TRIP12: variants seen among roughly 807,000 people sequenced by gnomAD.
TRIP12 encodes thyroid hormone receptor interactor 12.
A neutral mutation model predicts 244.2 loss-of-function variants in TRIP12; 25 were observed. The observed-to-expected ratio is 0.10, with a 90% CI of 0.07 to 0.14. The LOEUF (loss-of-function observed/expected upper bound fraction) is 0.14, where lower values mean the gene tolerates loss of function less well. Ranked by LOEUF, TRIP12 falls within the 10% of genes least tolerant of loss-of-function variation. The pLI is 1.00. For missense variants in TRIP12, 1,677 were observed against 2,486.4 expected, an observed-to-expected ratio of 0.67 and a Z score of 6.92; for synonymous variants, 905 against 873.1, an observed-to-expected ratio of 1.04 and a Z score of -0.64.
chr2:229,799,093 A>C, intron 22 of TRIP12, 44 bp from the exon 23 acceptor site: 3 of 1,602,782 alleles, frequency 1.9e-6, no homozygotes, highest in Non-Finnish European at 2.6e-6. Context: ...TTTTAGTTTA[A>C]GTGATGAAAA....
rs1264842155 is a variant in TRIP12 at position 229,805,721 on chromosome 2, T to A, written c.2650+9A>T. The A allele has an allele frequency of 3.2e-6, 5 of 1,566,196 alleles. No individual in the cohort carries two copies. In the South Asian group the frequency reaches 5.8e-5, roughly 18 times the overall value. ...AGTATAGTGCTATTTTAACTCAGAA[T>A]GTACTTACTAGTGTTACTATTGGCT... On this transcript the variant is annotated intron_variant, in intron 18 of 41. Transcript: ENST00000675903.
chr2:229,917,825 A>C (rs2075785916), intron 1 of TRIP12, among the ~76,000 whole-genome samples: 2 of 152,186 alleles, frequency 1.3e-5, no homozygotes, highest in Non-Finnish European at 2.9e-5. Flanking sequence ...AAAGTTGCCT[A>C]GAACTACTGA....
intron 4 of TRIP12, among the ~76,000 whole-genome samples, chr2:229,844,756 T>C (rs1463437820): frequency 6.6e-6 from 1 of 152,238 alleles, no homozygotes; most frequent in Non-Finnish European, 1.5e-5. Context: ...AAGTAATTAT[T>C]CCACTCAAAT....
In TRIP12 at chr2:229,859,008, A is replaced by T. The variant is rs1270953985; in HGVS notation, c.791T>A (p.Val264Glu). Residue 264 changes from valine (V) to glutamate (E), a missense_variant, in exon 4 of 42, where the codon GTG (valine) becomes GAG (glutamate). Physicochemically the swap from Val to Glu is moderately radical, Grantham distance 121. Coordinates refer to ENST00000675903, the MANE Select transcript of TRIP12 (RefSeq NM_001348323.3). Reference sequence around the variant, plus strand: ...CTTGTTCTGATCTTTTCCTTGTTTCACTCTGGCACCTGGTGGTACAGTGGA... The same window carrying T: ...CTTGTTCTGATCTTTTCCTTGTTTCTCTCTGGCACCTGGTGGTACAGTGGA... The part of the protein sequence containing the change: ...ASSTVPPGAR[V>E]KQGKDQNKAR... 6.2e-7 allele frequency: 1 copy of T among 1,613,864 alleles called. No individual in the cohort carries two copies. Among genetic ancestry groups the T allele is most frequent in the Non-Finnish European group, 8.5e-7 (1 of 1,180,016 alleles).
intron 6 of TRIP12, 193 bp from the exon 7 acceptor site, chr2:229,831,032 T>C (rs2053205002): frequency 2.9e-6 from 2 of 690,976 alleles, no homozygotes; most frequent in South Asian, 3.2e-5. Context: ...AGCTCAACTA[T>C]TTTAGTATTA....
intron 34 of TRIP12, 67 bp downstream of exon 34, chr2:229,785,690 A>C: frequency 7.0e-7 from 1 of 1,435,544 alleles, no homozygotes; most frequent in Non-Finnish European, 9.6e-7. Context: ...AGTACCAAGA[A>C]ACTCAAATAA....
At chr2:229,844,283 CTCA>C (rs2057124250) in intron 4 of TRIP12, among the ~76,000 whole-genome samples, 3 of 152,140 alleles carry the variant, frequency 2.0e-5, no homozygotes, top group Admixed American at 2.0e-4. Flanking sequence ...TGATTCCAAT[CTCA>C]TCATTTTGCA....
rs191091150 is a variant in TRIP12 at position 229,876,642 on chromosome 2, T to C, written c.98+3340A>G. ...CGCTAGTATTAACCACTTCCATTTA[T>C]GTCCCACTACTTTGTTTATTACTTA... On this transcript the variant is annotated intron_variant, in intron 2 of 41. Coordinates refer to ENST00000675903, the MANE Select transcript of TRIP12 (RefSeq NM_001348323.3). Among the ~76,000 whole-genome samples the C allele has an allele frequency of 2.4e-4, 37 of 152,364 alleles. No individual in the cohort carries two copies. In the Middle Eastern group the frequency reaches 0.017, roughly 70 times the overall value.
chr2:229,829,348 T>C, intron 7 of TRIP12, 60 bp from the exon 8 acceptor site: 3 of 1,395,204 alleles, frequency 2.2e-6, no homozygotes, highest in Non-Finnish European at 2.0e-6. Flanking sequence ...CTGATGTATC[T>C]AAAAATTTCA....
chr2:229,819,071 C>CAT (rs1255876941), intron 8 of TRIP12, among the ~76,000 whole-genome samples: 2 of 147,410 alleles, frequency 1.4e-5, no homozygotes, highest in Admixed American at 6.8e-5. Flanking sequence ...CACACACACA[C>CAT]ACACACACAC....
intron 2 of TRIP12, among the ~76,000 whole-genome samples, chr2:229,879,147 G>A (rs971371825): frequency 2.6e-5 from 4 of 152,038 alleles, no homozygotes; most frequent in African/African-American, 9.7e-5. Flanking sequence ...AGCTACTTGG[G>A]GGACTGAGGT....
chr2:229,900,388 A>G (rs988991435), intron 1 of TRIP12, among the ~76,000 whole-genome samples: 3 of 152,240 alleles, frequency 2.0e-5, no homozygotes, highest in Non-Finnish European at 4.4e-5. Flanking sequence ...AATTCAAATA[A>G]TTTAAGTAGA....
intron 15 of TRIP12, 140 bp downstream of exon 15, chr2:229,810,740 T>C: frequency 1.3e-6 from 1 of 797,290 alleles, no homozygotes; most frequent in Non-Finnish European, 2.0e-6. Context: ...CACAAATTTA[T>C]TACATATTAA....
chr2:229,850,884 T>C (rs900794581), intron 4 of TRIP12, among the ~76,000 whole-genome samples: 2 of 152,214 alleles, frequency 1.3e-5, no homozygotes, highest in Admixed American at 1.3e-4. Context: ...GAGAGTGTAC[T>C]GGGTCCCCCA....
In TRIP12 at chr2:229,811,051, C is replaced by A. The variant is rs760289564; in HGVS notation, c.2056-6G>T. The A allele has an allele frequency of 2.5e-6, 4 of 1,613,762 alleles. No individual in the cohort carries two copies. The highest frequency in any genetic ancestry group is 3.4e-6 in the Non-Finnish European group (4 of 1,179,886). On this transcript the variant is annotated splice_polypyrimidine_tract_variant and splice_region_variant and intron_variant, in intron 14 of 41. Coordinates refer to ENST00000675903, the MANE Select transcript of TRIP12 (RefSeq NM_001348323.3). The stretch of plus-strand genomic sequence containing the variant: ...GCAACCTGCTGGAGTAAATTCTTCA[C>A]AAACACAAGAATAAAGGAATTATTA...
In TRIP12 at chr2:229,774,002, T is replaced by C. The variant is rs73099234; in HGVS notation, c.5694+95A>G. 2.1e-3 allele frequency: 2,840 copies of C among 1,371,112 alleles called. 47 individuals are homozygous for C. In the African/African-American group the frequency reaches 0.036, roughly 17 times the overall value. 84.9% of individuals were successfully genotyped at this position (1,371,112 alleles called of 1,614,324 possible). A position where few individuals can be genotyped will look rare whatever the true frequency, so the allele number is the denominator to read the frequency against. On this transcript the variant is annotated intron_variant, in intron 38 of 41. Coordinates refer to ENST00000675903, the MANE Select transcript of TRIP12 (RefSeq NM_001348323.3). ...AGTGGTCCTGGGGATGTGGAAGGTC[T>C]CAAGCCATAGCGTGTGCAGCCAGAA...
At chr2:229,865,164 T>C (rs1308367883) in intron 2 of TRIP12, among the ~76,000 whole-genome samples, 1 of 151,348 alleles carries the variant, frequency 6.6e-6, no homozygotes, top group Non-Finnish European at 1.5e-5. Context: ...ATACAAAAAT[T>C]AGCAGGGTGT....
At position 229,839,320 on chromosome 2, in the gene TRIP12, CATG is replaced by C. The variant is rs1290148471; in HGVS notation, c.1133+1499_1133+1501del. ...ATCTAGGTTTGTTTTAAGTGTTCTC[CATG>C]ATGTTTGCATGGCAAAATCACCTAA... On this transcript the variant is annotated intron_variant, in intron 5 of 41. Transcript: ENST00000675903. Among the ~76,000 whole-genome samples, 3 of 152,122 alleles carry C rather than the reference CATG, an allele frequency of 2.0e-5. 1 individual carries two copies. The East Asian group carries it at 5.8e-4, about 29-fold the overall frequency.
intron 34 of TRIP12, among the ~76,000 whole-genome samples, chr2:229,780,134 C>G (rs2037627189): frequency 6.6e-6 from 1 of 152,164 alleles, no homozygotes; most frequent in Non-Finnish European, 1.5e-5. Flanking sequence ...TCTGCTTGGG[C>G]CTAGTGGTGC....
Sources: gnomAD v4.1 joint callset for allele counts (sites outside exome capture counted in the v4.1 genomes callset) on GRCh38, gnomAD v4.1.1 for gene constraint, MANE v1.5 for transcripts, NCBI Gene and HGNC (gene_info 2026-07-23, HGNC 2026-07-21) for gene names.